SHISA9: variants seen among roughly 807,000 people sequenced by gnomAD.
The protein encoded by SHISA9 is shisa family member 9.
In SHISA9, 13 loss-of-function variants were observed where a neutral mutation model predicts 38.0. The ratio of observed to expected loss-of-function variants is 0.34; its 90% CI spans 0.22 to 0.54. The LOEUF (loss-of-function observed/expected upper bound fraction) is 0.54. Ranked by LOEUF, SHISA9 falls within the 20% of genes least tolerant of loss-of-function variation. SHISA9 has a pLI of 0.91. For missense variants in SHISA9, 538 were observed against 575.8 expected, an observed-to-expected ratio of 0.93 and a Z score of 0.67; for synonymous variants, 275 against 242.0, an observed-to-expected ratio of 1.14 and a Z score of -1.27.
At chr16:13,434,419 G>GTTTTTGTTTTTTTTTTTTTTTTT in the SHISA9 span, among the ~76,000 whole-genome samples, 1 of 64,566 alleles carries the variant, frequency 1.5e-5, no homozygotes, top group Non-Finnish European at 3.2e-5. Flanking sequence ...GACAAGCTAT[G>GTTTTTGTTTTTTTTTTTTTTTTT]TTTTTTTTTT....
intron 2 of SHISA9, among the ~76,000 whole-genome samples, chr16:13,107,904 G>A (rs999845329): frequency 6.6e-6 from 1 of 152,138 alleles, no homozygotes; most frequent in Non-Finnish European, 1.5e-5. Context: ...GGTCTAGTCT[G>A]GTGTAGCAAA....
chr16:12,934,145 G>A (rs2071497370), intron 2 of SHISA9, among the ~76,000 whole-genome samples: 1 of 152,218 alleles, frequency 6.6e-6, no homozygotes, highest in Non-Finnish European at 1.5e-5. Context: ...AGTCTGGCAA[G>A]GGAGGGGATG....
At chr16:13,439,084 C>T in the SHISA9 span, among the ~76,000 whole-genome samples, 2 of 152,100 alleles carry the variant, frequency 1.3e-5, no homozygotes, top group African/African-American at 2.4e-5. Context: ...TGCATGAGCT[C>T]ACTTACAACT....
At chr16:13,093,889 G>A (rs1241679341) in intron 2 of SHISA9, among the ~76,000 whole-genome samples, 3 of 152,094 alleles carry the variant, frequency 2.0e-5, no homozygotes, top group East Asian at 1.9e-4. Flanking sequence ...CAGAAGGGAG[G>A]CACCATAGGA....
the SHISA9 span, among the ~76,000 whole-genome samples, chr16:13,354,162 A>G: frequency 6.7e-6 from 1 of 148,454 alleles, no homozygotes; most frequent in Non-Finnish European, 1.5e-5. Flanking sequence ...ATCCCTGAGG[A>G]GTAGTAGAAT....
At chr16:13,118,730 CTTT>C (rs34471353) in intron 2 of SHISA9, among the ~76,000 whole-genome samples, 2 of 130,770 alleles carry the variant, frequency 1.5e-5, no homozygotes, top group Non-Finnish European at 1.6e-5. Context: ...TTTCTTTTTT[CTTT>C]TTTTTTTTTT....
the SHISA9 span, among the ~76,000 whole-genome samples, chr16:13,435,171 C>A: frequency 6.6e-6 from 1 of 151,878 alleles, no homozygotes; most frequent in African/African-American, 2.4e-5. Context: ...AGTAAAGCCT[C>A]TATCATTTTA....
chr16:12,967,565 TA>T (rs1459393161), intron 2 of SHISA9, among the ~76,000 whole-genome samples: 1 of 151,276 alleles, frequency 6.6e-6, no homozygotes, highest in Admixed American at 6.6e-5. Context: ...ATAATAATAA[TA>T]ATAAAAATAA....
At chr16:13,316,632 GA>G in the SHISA9 span, among the ~76,000 whole-genome samples, 19 of 151,858 alleles carry the variant, frequency 1.3e-4, no homozygotes, top group Admixed American at 1.0e-3. Flanking sequence ...GTACCACTAA[GA>G]AAAAAAACCC....
chr16:13,122,680 C>A (rs752433407), intron 2 of SHISA9, among the ~76,000 whole-genome samples: 2 of 152,180 alleles, frequency 1.3e-5, no homozygotes, highest in Non-Finnish European at 2.9e-5. Context: ...TTGTGCCAGG[C>A]ACTGTGTTTG....
At chr16:12,922,374 G>T (rs976105601) in intron 2 of SHISA9, among the ~76,000 whole-genome samples, 2 of 152,242 alleles carry the variant, frequency 1.3e-5, no homozygotes, top group Non-Finnish European at 2.9e-5. Flanking sequence ...TGCACCTGTT[G>T]TGCTTCATGC....
chr16:13,406,249 C>G, the SHISA9 span, among the ~76,000 whole-genome samples: 1 of 152,160 alleles, frequency 6.6e-6, no homozygotes, highest in African/African-American at 2.4e-5. Flanking sequence ...TGAGTATAAT[C>G]TTGTTAGTGC....
At chr16:13,389,326 A>G in the SHISA9 span, among the ~76,000 whole-genome samples, 2 of 152,134 alleles carry the variant, frequency 1.3e-5, no homozygotes, top group South Asian at 2.1e-4. Context: ...TACAGAGTGT[A>G]GCCTTTTCAG....
the SHISA9 span, among the ~76,000 whole-genome samples, chr16:13,354,723 T>C: frequency 6.6e-6 from 1 of 151,896 alleles, no homozygotes; most frequent in Admixed American, 6.6e-5. Context: ...CTACAGGGTG[T>C]GGTCCTGGCT....
the SHISA9 span, among the ~76,000 whole-genome samples, chr16:13,423,016 C>G: frequency 6.6e-6 from 1 of 152,210 alleles, no homozygotes; most frequent in Admixed American, 6.5e-5. Context: ...TACCACTAAT[C>G]AGGTGCATGG....
chr16:13,370,254 G>C, the SHISA9 span, among the ~76,000 whole-genome samples: 23 of 152,098 alleles, frequency 1.5e-4, no homozygotes, highest in Non-Finnish European at 1.5e-5. Context: ...TACATGCTGT[G>C]CTGGTTACCT....
At chr16:13,394,292 G>A in the SHISA9 span, among the ~76,000 whole-genome samples, 4 of 152,146 alleles carry the variant, frequency 2.6e-5, no homozygotes, top group Admixed American at 6.5e-5. Context: ...CATAAGCAGC[G>A]TTAATGTCCT....
intron 2 of SHISA9, among the ~76,000 whole-genome samples, chr16:13,174,403 T>C (rs2050714155): frequency 1.3e-5 from 2 of 152,176 alleles, no homozygotes; most frequent in African/African-American, 2.4e-5. Context: ...TCAGAGTCCT[T>C]GACTGTCTCT....
the SHISA9 span, among the ~76,000 whole-genome samples, chr16:13,359,203 A>G: frequency 2.0e-5 from 3 of 152,220 alleles, no homozygotes; most frequent in African/African-American, 7.2e-5. Flanking sequence ...CAACTTGTTA[A>G]TACTGTTGCC....
Sources: gnomAD v4.1 joint callset for allele counts (sites outside exome capture counted in the v4.1 genomes callset) on GRCh38, gnomAD v4.1.1 for gene constraint, MANE v1.5 for transcripts, NCBI Gene and HGNC (gene_info 2026-07-23, HGNC 2026-07-21) for gene names.